The following AGO3 variants were observed in gnomAD, a reference collection of about 807,000 sequenced individuals.
AGO3 encodes protein argonaute-3.
Under a neutral mutation model 105.5 loss-of-function variants are expected in AGO3, and 16 were observed. That is an observed-to-expected ratio of 0.15 (90% CI 0.10 to 0.23). The LOEUF is 0.23. AGO3 is among the 10% of genes least tolerant of loss of function. The pLI is 1.00. For missense variants in AGO3, 534 were observed against 1,088.0 expected, an observed-to-expected ratio of 0.49 and a Z score of 7.16; for synonymous variants, 340 against 367.3, an observed-to-expected ratio of 0.93 and a Z score of 0.85.
intron 3 of AGO3, 89 bp downstream of exon 3, chr1:35,967,164 T>G: frequency 7.2e-7 from 1 of 1,391,042 alleles, no homozygotes; most frequent in Non-Finnish European, 9.6e-7. Context: ...ACAGTCCATA[T>G]ATATGTGAAT....
In AGO3 at chr1:36,034,171, T is replaced by C; in HGVS notation, c.1592-3T>C. On this transcript the variant is annotated splice_region_variant and splice_polypyrimidine_tract_variant and intron_variant, in intron 12 of 18. Coordinates refer to ENST00000373191, the MANE Select transcript of AGO3 (RefSeq NM_024852.4). ...GACTAGAGGTTTTGCATCTATTCCA[T>C]AGCGGAAGTGAAACGTGTAGGAGAC... 6.5e-7 allele frequency: 1 copy of C among 1,533,146 alleles called. No homozygotes were observed. Among genetic ancestry groups the C allele is most frequent in the Non-Finnish European group, 8.8e-7 (1 of 1,141,024 alleles). The allele number at this position is 1,533,146 out of a possible 1,614,324, so 95.0% of individuals were successfully genotyped here.
chr1:36,036,477 T>G (rs564011948), intron 14 of AGO3, among the ~76,000 whole-genome samples: 1 of 152,344 alleles, frequency 6.6e-6, no homozygotes, highest in African/African-American at 2.4e-5. Context: ...TATTCAAATC[T>G]TCTGTATTAT....
intron 2 of AGO3, 48 bp downstream of exon 2, chr1:35,945,911 T>C: frequency 6.5e-7 from 1 of 1,539,462 alleles, no homozygotes; most frequent in East Asian, 2.3e-5. Context: ...TTTTCCTTAG[T>C]AATTATCCAT....
chr1:35,973,045 A>G (rs1379456223), intron 4 of AGO3, among the ~76,000 whole-genome samples: 5 of 151,722 alleles, frequency 3.3e-5, no homozygotes, highest in Non-Finnish European at 5.9e-5. Context: ...AAACACATTT[A>G]TATAAATACC....
chr1:35,989,632 T>G (rs1557668309), intron 5 of AGO3, among the ~76,000 whole-genome samples: 2 of 152,130 alleles, frequency 1.3e-5, no homozygotes, highest in Non-Finnish European at 2.9e-5. Flanking sequence ...CCAGCATTTT[T>G]GGGAGGTTGA....
intron 2 of AGO3, among the ~76,000 whole-genome samples, chr1:35,960,639 C>G (rs1646656018): frequency 6.6e-6 from 1 of 151,896 alleles, no homozygotes; most frequent in Non-Finnish European, 1.5e-5. Flanking sequence ...GAGACCCCAT[C>G]TCTTTAAAAA....
intron 16 of AGO3, among the ~76,000 whole-genome samples, chr1:36,041,858 C>T (rs977248218): frequency 6.6e-6 from 1 of 152,056 alleles, no homozygotes; most frequent in African/African-American, 2.4e-5. Context: ...ACGTAATGCA[C>T]TTAGAACAGG....
intron 5 of AGO3, among the ~76,000 whole-genome samples, chr1:35,980,362 A>C (rs1277956363): frequency 1.3e-5 from 2 of 152,300 alleles, no homozygotes; most frequent in Middle Eastern, 3.4e-3. Flanking sequence ...TCTACTCTTA[A>C]CATCCATTTG....
At chr1:36,022,904 A>G (rs1641305882) in intron 11 of AGO3, among the ~76,000 whole-genome samples, 2 of 148,034 alleles carry the variant, frequency 1.4e-5, no homozygotes, top group South Asian at 4.3e-4. Context: ...CCAGGCAACA[A>G]CAGTGAGACT....
chr1:35,996,183 A>C (rs575541911), intron 5 of AGO3, among the ~76,000 whole-genome samples: 2 of 151,872 alleles, frequency 1.3e-5, no homozygotes, highest in Non-Finnish European at 2.9e-5. Flanking sequence ...TAATTAGCTG[A>C]GCGTGGTGGT....
intron 17 of AGO3, among the ~76,000 whole-genome samples, chr1:36,051,282 A>G (rs1436176908): frequency 6.6e-6 from 1 of 152,234 alleles, no homozygotes; most frequent in African/African-American, 2.4e-5. Flanking sequence ...CTGAACAACC[A>G]GTGACTGGTC....
chr1:36,004,504 A>C, intron 6 of AGO3, 29 bp downstream of exon 6: 1 of 1,550,540 alleles, frequency 6.4e-7, no homozygotes, highest in Non-Finnish European at 8.7e-7. Context: ...AGCACAACTT[A>C]ACTATAAAAT....
At chr1:36,020,081 A>C (rs1345830115) in intron 11 of AGO3, among the ~76,000 whole-genome samples, 1 of 151,994 alleles carries the variant, frequency 6.6e-6, no homozygotes, top group Non-Finnish European at 1.5e-5. Context: ...CAGTATATAC[A>C]TTTTATCTCT....
intron 5 of AGO3, among the ~76,000 whole-genome samples, chr1:35,995,236 A>T (rs891462226): frequency 7.0e-6 from 1 of 143,536 alleles, no homozygotes; most frequent in Non-Finnish European, 1.5e-5. Context: ...ATATATATAT[A>T]TTATATAAAA....
At position 35,931,419 on chromosome 1, in the gene AGO3, C is replaced by G; in HGVS notation, c.-8C>G. The stretch of plus-strand genomic sequence containing the variant: ...TTCTCCCTCGAAGCACTCCCCCCAG[C>G]TCCATGAATGGAAATCGGCTCCGCA... On this transcript the variant is annotated 5_prime_UTR_variant, in exon 1 of 19. Transcript: ENST00000373191. 6.6e-7 allele frequency: 1 copy of G among 1,509,486 alleles called. No homozygotes were observed. Among genetic ancestry groups the G allele is most frequent in the Non-Finnish European group, 8.9e-7 (1 of 1,128,084 alleles). 93.5% of individuals were successfully genotyped at this position (1,509,486 alleles called of 1,614,324 possible).
chr1:35,957,424 A>T (rs1646589342), intron 2 of AGO3, among the ~76,000 whole-genome samples: 1 of 151,956 alleles, frequency 6.6e-6, no homozygotes, highest in Admixed American at 6.6e-5. Flanking sequence ...AACATAGTGT[A>T]TAGTGAAATG....
chr1:36,011,660 T>A (rs929851270), intron 9 of AGO3, among the ~76,000 whole-genome samples: 1 of 152,246 alleles, frequency 6.6e-6, no homozygotes, highest in African/African-American at 2.4e-5. Flanking sequence ...CTCCACTTAC[T>A]TACTGTTACT....
rs534924729 is a variant in AGO3, at chr1:36,049,950, G to T, written c.2275-4996G>T. On this transcript the variant is annotated intron_variant, in intron 17 of 18. Transcript: ENST00000373191. The stretch of plus-strand genomic sequence containing the variant: ...ATTATTAGCTCTAAAGAAAGAAGGA[G>T]ACTCCAATAATAGTAGTTGAGAACT... Among the ~76,000 whole-genome samples, 20 of 152,228 alleles carry T rather than the reference G, an allele frequency of 1.3e-4. No individual in the cohort carries two copies. The South Asian group carries it at 1.7e-3, about 13-fold the overall frequency.
Position 35,939,883 on chromosome 1 carries a change from A to C in AGO3, c.20-5809A>C, listed in dbSNP as rs572175622. Among the ~76,000 whole-genome samples, 3 of 152,110 alleles carry C rather than the reference A, an allele frequency of 2.0e-5. No homozygotes were observed. The South Asian group carries it at 6.2e-4, about 32-fold the overall frequency. ...TCTCTTCTACTTTTCCCTCTTTTATATTTTTGAAGCATATTCTAGGTATAA... is the reference window on the plus strand; with the variant it reads ...TCTCTTCTACTTTTCCCTCTTTTATCTTTTTGAAGCATATTCTAGGTATAA... On this transcript the variant is annotated intron_variant, in intron 1 of 18. Coordinates refer to ENST00000373191, the MANE Select transcript of AGO3 (RefSeq NM_024852.4).
Sources: gnomAD v4.1 joint callset for allele counts (sites outside exome capture counted in the v4.1 genomes callset) on GRCh38, gnomAD v4.1.1 for gene constraint, MANE v1.5 for transcripts, NCBI Gene and HGNC (gene_info 2026-07-23, HGNC 2026-07-21) for gene names.